The following SMYD3 variants were observed in gnomAD, a reference collection of about 807,000 sequenced individuals.
The protein encoded by SMYD3 is SET and MYND domain containing 3.
A neutral mutation model predicts 57.7 loss-of-function variants in SMYD3; 36 were observed. The observed-to-expected ratio is 0.62, with a 90% confidence interval of 0.48 to 0.82. SMYD3 has a LOEUF of 0.82. Among genes scored for constraint, SMYD3 ranks in the 40% least tolerant of loss-of-function variants. SMYD3 has a pLI of 0.00. For synonymous variants in SMYD3, 211 were observed against 195.0 expected (o/e 1.08, Z -0.68); for missense variants, 515 against 538.8 (o/e 0.96, Z 0.44).
chr1:246,307,451 G>A (rs1572361440), intron 5 of SMYD3, among the ~76,000 whole-genome samples: 2 of 122,818 alleles, frequency 1.6e-5, no homozygotes, highest in African/African-American at 3.2e-5. Flanking sequence ...ACGGAGTCTC[G>A]CTCTGTCGCC....
At chr1:246,121,949 C>A (rs780892223) in intron 5 of SMYD3, among the ~76,000 whole-genome samples, 24 of 149,424 alleles carry the variant, frequency 1.6e-4, no homozygotes, top group Non-Finnish European at 3.4e-4. Context: ...TAATACAACA[C>A]CTACATCCTC....
chr1:246,061,492 G>T (rs769969832), intron 5 of SMYD3, among the ~76,000 whole-genome samples: 2 of 151,966 alleles, frequency 1.3e-5, no homozygotes, highest in Admixed American at 1.3e-4. Context: ...AGGCTGAGGT[G>T]GGAGGATCAC....
intron 5 of SMYD3, among the ~76,000 whole-genome samples, chr1:246,245,770 A>G (rs1572271576): frequency 1.3e-5 from 2 of 152,190 alleles, no homozygotes; most frequent in African/African-American, 4.8e-5. Flanking sequence ...TTCTACACCA[A>G]TGAACCACTA....
intron 5 of SMYD3, among the ~76,000 whole-genome samples, chr1:246,096,915 T>C (rs2060925674): frequency 6.6e-6 from 1 of 152,250 alleles, no homozygotes; most frequent in Admixed American, 6.5e-5. Flanking sequence ...TGCTAGTTTC[T>C]AGATATTATT....
intron 7 of SMYD3, among the ~76,000 whole-genome samples, chr1:245,925,970 T>C (rs2056343530): frequency 1.3e-5 from 2 of 152,220 alleles, no homozygotes; most frequent in African/African-American, 4.8e-5. Flanking sequence ...GGGTAATTTA[T>C]AAATAAATTT....
At chr1:246,181,681 C>A (rs4654217) in intron 5 of SMYD3, among the ~76,000 whole-genome samples, 1 of 150,594 alleles carries the variant, frequency 6.6e-6, no homozygotes, top group Non-Finnish European at 1.5e-5. Flanking sequence ...GAAACAGACA[C>A]ATAGGGGTCC....
intron 5 of SMYD3, among the ~76,000 whole-genome samples, chr1:246,248,945 C>T (rs1399487259): frequency 6.6e-6 from 1 of 151,246 alleles, no homozygotes; most frequent in Non-Finnish European, 1.5e-5. Context: ...CATGAGCCAC[C>T]GTGCCCAGCC....
intron 5 of SMYD3, among the ~76,000 whole-genome samples, chr1:246,256,324 A>G (rs1055030191): frequency 3.3e-5 from 5 of 152,120 alleles, no homozygotes; most frequent in Admixed American, 6.5e-5. Context: ...TCAAATGTTA[A>G]TCTCTTTTGG....
chr1:246,040,797 T>C (rs535305494), intron 5 of SMYD3, among the ~76,000 whole-genome samples: 1 of 152,346 alleles, frequency 6.6e-6, no homozygotes, highest in East Asian at 1.9e-4. Context: ...TCACTGATTG[T>C]AACACATCTT....
intron 5 of SMYD3, among the ~76,000 whole-genome samples, chr1:246,133,620 T>A (rs949203972): frequency 7.2e-5 from 11 of 152,086 alleles, no homozygotes; most frequent in Admixed American, 1.3e-4. Context: ...TCATCACGAT[T>A]GGCTGATACT....
chr1:245,880,553 G>C (rs1389391970), intron 8 of SMYD3, among the ~76,000 whole-genome samples: 5 of 152,212 alleles, frequency 3.3e-5, no homozygotes, highest in Non-Finnish European at 5.9e-5. Context: ...TTTAAACACT[G>C]TATCTTATTT....
At chr1:246,040,453 A>C (rs1389787915) in intron 5 of SMYD3, among the ~76,000 whole-genome samples, 2 of 152,238 alleles carry the variant, frequency 1.3e-5, no homozygotes, top group Non-Finnish European at 2.9e-5. Context: ...CACTTCTCTT[A>C]GAAGAAGTAT....
intron 1 of SMYD3, among the ~76,000 whole-genome samples, chr1:246,475,907 G>A (rs538198897): frequency 5.6e-4 from 85 of 152,226 alleles, no homozygotes; most frequent in African/African-American, 1.8e-3. Flanking sequence ...GAGCCACCAC[G>A]TCCAGCCAAG....
chr1:246,105,407 T>C (rs2061100467), intron 5 of SMYD3, among the ~76,000 whole-genome samples: 1 of 152,114 alleles, frequency 6.6e-6, no homozygotes, highest in African/African-American at 2.4e-5. Flanking sequence ...CAATGATCAA[T>C]GTTATTGTAC....
intron 5 of SMYD3, among the ~76,000 whole-genome samples, chr1:246,230,964 C>G (rs2063400500): frequency 6.6e-6 from 1 of 152,184 alleles, no homozygotes; most frequent in Non-Finnish European, 1.5e-5. Flanking sequence ...CTCTCAGTTA[C>G]TCAGTTTCCT....
In SMYD3 at chr1:246,502,594, G is replaced by A. The variant is rs539438609; in HGVS notation, c.164+4460C>T. Among the ~76,000 whole-genome samples the A allele has an allele frequency of 3.9e-5, 6 of 152,224 alleles. No individual in the cohort carries two copies. The South Asian group carries it at 1.2e-3, about 32-fold the overall frequency. The stretch of plus-strand genomic sequence containing the variant: ...CTCTTCCAGTTAATACTCAGACTTT[G>A]TTTAACTCCTTACCCGGGCTGGTTT... On this transcript the variant is annotated intron_variant, in intron 1 of 11. Coordinates refer to ENST00000490107, the MANE Select transcript of SMYD3 (RefSeq NM_001167740.2).
At chr1:246,372,168 G>A (rs1056020445) in intron 1 of SMYD3, among the ~76,000 whole-genome samples, 2 of 152,168 alleles carry the variant, frequency 1.3e-5, no homozygotes, top group African/African-American at 2.4e-5. Context: ...AATTCTCATC[G>A]ATTTTTATTA....
intron 2 of SMYD3, among the ~76,000 whole-genome samples, chr1:246,342,206 T>C (rs2065642157): frequency 1.3e-5 from 2 of 152,308 alleles, no homozygotes; most frequent in Non-Finnish European, 2.9e-5. Context: ...CAGTTTCATA[T>C]AATATTAACT....
chr1:246,307,450 C>A (rs562560485), intron 5 of SMYD3, among the ~76,000 whole-genome samples: 4 of 132,796 alleles, frequency 3.0e-5, no homozygotes, highest in African/African-American at 1.1e-4. Context: ...GACGGAGTCT[C>A]GCTCTGTCGC....
Sources: gnomAD v4.1 joint callset for allele counts (sites outside exome capture counted in the v4.1 genomes callset) on GRCh38, gnomAD v4.1.1 for gene constraint, MANE v1.5 for transcripts, NCBI Gene and HGNC (gene_info 2026-07-23, HGNC 2026-07-21) for gene names.